The following MUC12 variants were observed in gnomAD, a reference collection of about 807,000 sequenced individuals.
The protein encoded by MUC12 is mucin-12.
A neutral mutation model predicts 230.8 loss-of-function variants in MUC12; 172 were observed. That is an observed-to-expected ratio of 0.75 (90% CI 0.66 to 0.85). MUC12 has a LOEUF of 0.85. Among genes scored for constraint, MUC12 ranks in the 40% least tolerant of loss-of-function variants. The probability of loss-of-function intolerance (pLI) is 0.00; values close to 1 mark genes in which losing one functional copy is unlikely to be tolerated. For synonymous variants in MUC12, 1,259 were observed against 2,401.9 expected (o/e 0.52, Z 13.91); for missense variants, 3,506 against 5,920.6 (o/e 0.59, Z 13.38).
chr7:100,981,866 C>CT (rs533760849), intron 1 of MUC12, among the ~76,000 whole-genome samples: 44,012 of 124,814 alleles, frequency 0.35, 9,580 homozygotes, highest in East Asian at 0.56. Flanking sequence ...GCTGCTGCTG[C>CT]TTTTTTTTTT....
Position 100,995,642 on chromosome 7 carries a change from A to C in MUC12, c.5079A>C (p.Pro1693=). Residue 1693 remains proline, a synonymous_variant, in exon 2 of 12, where the codon CCA becomes CCC. Transcript: ENST00000536621. ...AATCTACCACCTTCCAGAGCTGGCC[A>C]AGCTCAAAGGACACTATGCCTGCAC... ...QGESTTFQSW[P]SSKDTMPAPP... is the part of the protein sequence containing the mutation. The C allele has an allele frequency of 6.5e-7, 1 of 1,536,920 alleles. No homozygotes were observed. Among genetic ancestry groups the C allele is most frequent in the East Asian group, 2.4e-5 (1 of 40,904 alleles).
chr7:100,984,352 G>A (rs1160814379), intron 1 of MUC12, among the ~76,000 whole-genome samples: 1 of 151,544 alleles, frequency 6.6e-6, no homozygotes, highest in Non-Finnish European at 1.5e-5. Flanking sequence ...TGCCTCCTGG[G>A]TTCAGGCGAT....
intron 11 of MUC12, 53 bp from the exon 12 acceptor site, chr7:101,018,542 C>T: frequency 2.0e-6 from 3 of 1,524,222 alleles, no homozygotes; most frequent in Non-Finnish European, 2.6e-6. Flanking sequence ...TCCTGGGGCT[C>T]CCCCTTTCCC....
rs538526326 is a variant in MUC12 at position 100,986,084 on chromosome 7, G to A, written c.68-4547G>A. On this transcript the variant is annotated intron_variant, in intron 1 of 11. Coordinates refer to ENST00000536621, the MANE Select transcript of MUC12 (RefSeq NM_001164462.2). ...CCGACTTCAAAACAAACATGTGGCC[G>A]GTGTGTGCCTCAAGCCTGTAATCCC... is the stretch of plus-strand genomic sequence containing the variant. 3.3e-4 allele frequency among the ~76,000 whole-genome samples: 51 copies of A among 152,268 alleles called. No individual in the cohort carries two copies. In the South Asian group the frequency reaches 8.7e-3, roughly 26 times the overall value.
chr7:100,995,653 A>G lies in MUC12; in HGVS notation c.5090A>G (p.Asp1697Gly). The G allele has an allele frequency of 3.3e-6, 5 of 1,537,122 alleles. No homozygotes were observed. Among genetic ancestry groups the G allele is most frequent in the Non-Finnish European group, 2.6e-6 (3 of 1,147,058 alleles). ...TTFQSWPSSK[D>G]TMPAPPTTTS... is the part of the protein sequence containing the mutation. ...TTCCAGAGCTGGCCAAGCTCAAAGGACACTATGCCTGCACCTCCTACTACC... is the reference window on the plus strand; with the variant it reads ...TTCCAGAGCTGGCCAAGCTCAAAGGGCACTATGCCTGCACCTCCTACTACC... Residue 1697 changes from aspartate (D) to glycine (G), a missense_variant, in exon 2 of 12, where the codon GAC becomes GGC. Physicochemically the swap from Asp to Gly is moderately conservative, Grantham distance 94. Coordinates refer to ENST00000536621, the MANE Select transcript of MUC12 (RefSeq NM_001164462.2).
rs550760730 is a variant in MUC12, at chr7:101,010,717, G to A, written c.15251+1558G>A. Among the ~76,000 whole-genome samples the A allele has an allele frequency of 1.9e-4, 29 of 152,208 alleles. No individual in the cohort carries two copies. In the South Asian group the frequency reaches 2.3e-3, roughly 12 times the overall value. ...TTTAGTAGAGACAGGGTTTCACCAC[G>A]TTGGCCAGGCTGGTCTCGAACTCCT... On this transcript the variant is annotated intron_variant, in intron 5 of 11. Coordinates refer to ENST00000536621, the MANE Select transcript of MUC12 (RefSeq NM_001164462.2).
intron 1 of MUC12, among the ~76,000 whole-genome samples, chr7:100,973,947 G>A (rs1268421701): frequency 6.6e-6 from 1 of 151,994 alleles, no homozygotes; most frequent in African/African-American, 2.4e-5. Flanking sequence ...AAGCCCAGGA[G>A]TTCGAGACCA....
At position 101,017,635 on chromosome 7, in the gene MUC12, C is replaced by T; in HGVS notation, c.15938C>T (p.Thr5313Ile). 6.5e-7 allele frequency: 1 copy of T among 1,536,152 alleles called. No homozygotes were observed. Reference sequence around the variant, plus strand: ...AACGCCTACAACAACTTCCGGCCCACCCTGGAGACTGTTGACTCTGGCACA... The same window carrying T: ...AACGCCTACAACAACTTCCGGCCCATCCTGGAGACTGTTGACTCTGGCACA... Reference protein sequence around the residue: ...LENAYNNFRPTLETVDSGTEL... With the variant: ...LENAYNNFRPILETVDSGTEL... Residue 5313 changes from threonine to isoleucine, a missense_variant, in exon 11 of 12, where the codon ACC becomes ATC. By Grantham distance (89) the Thr-to-Ile change is moderately conservative (BLOSUM62 -1). Coordinates refer to ENST00000536621, the MANE Select transcript of MUC12 (RefSeq NM_001164462.2).
At chr7:100,970,197 G>A (rs1371210322) in intron 1 of MUC12, among the ~76,000 whole-genome samples, 1 of 152,300 alleles carries the variant, frequency 6.6e-6, no homozygotes, top group Admixed American at 6.5e-5. Context: ...CAGTTAAATG[G>A]CTGACGGGGC....
intron 1 of MUC12, among the ~76,000 whole-genome samples, chr7:100,973,392 G>A (rs1290366316): frequency 2.2e-5 from 2 of 90,526 alleles, no homozygotes; most frequent in African/African-American, 8.3e-5. Context: ...GAGTGGAGCT[G>A]TCCTGGGCTT....
chr7:100,986,726 G>A (rs1793197097), intron 1 of MUC12, among the ~76,000 whole-genome samples: 1 of 152,170 alleles, frequency 6.6e-6, no homozygotes, highest in African/African-American at 2.4e-5. Flanking sequence ...TCCTCTGCCA[G>A]GGGCCAAGGT....
Position 100,991,740 on chromosome 7 carries a change from A to G in MUC12, c.1177A>G (p.Thr393Ala). The stretch of plus-strand genomic sequence containing the variant: ...AGAATCAGCAACTTTCCACGGCAGC[A>G]CAACACACACAAAATCTTCAACTCC... ...SEESATFHGSTTHTKSSTPST... is the reference protein window; with the variant it reads ...SEESATFHGSATHTKSSTPST... The change falls in exon 2 of 12, where the codon ACA becomes GCA. Residue 393 changes from threonine to alanine, a missense_variant. Transcript: ENST00000536621. 6.5e-7 allele frequency: 1 copy of G among 1,537,878 alleles called. No homozygotes were observed. The highest frequency in any genetic ancestry group is 8.7e-7 in the Non-Finnish European group (1 of 1,147,078).
intron 11 of MUC12, among the ~76,000 whole-genome samples, chr7:101,017,893 T>TTC (rs1345170829): frequency 4.5e-5 from 1 of 22,098 alleles, no homozygotes; most frequent in Non-Finnish European, 8.1e-5. Context: ...ACCCCTTCCC[T>TTC]TCCCCCTGGG....
chr7:101,015,561 A>G (rs778665731), intron 9 of MUC12, 54 bp from the exon 10 acceptor site: 186 of 1,481,610 alleles, frequency 1.3e-4, no homozygotes, highest in Non-Finnish European at 1.6e-4. Context: ...AGGGTCCACC[A>G]AGTCCCTCCT....
Position 100,997,187 on chromosome 7 carries a change from CGGTGAAGAATCCACCACCTCCCG to C in MUC12, c.6625_6647del (p.Gly2209Ter). On this transcript the variant is annotated frameshift_variant, in exon 2 of 12. Coordinates refer to ENST00000536621, the MANE Select transcript of MUC12 (RefSeq NM_001164462.2). LOFTEE classifies it high-confidence loss of function. ...CTGCCAGTATGACAAGCCTAGGCGT[CGGTGAAGAATCCACCACCTCCCG>C]TAGCCAACCAGGTTCTACTCACTCA... 3.6e-6 allele frequency: 1 copy of C among 276,052 alleles called. No individual in the cohort carries two copies. The highest frequency in any genetic ancestry group is 4.9e-6 in the Non-Finnish European group (1 of 203,898). The allele number at this position is 276,052 out of a possible 1,614,324, so 17.1% of individuals were successfully genotyped here.
At chr7:100,987,135 C>T (rs1333073852) in intron 1 of MUC12, among the ~76,000 whole-genome samples, 9 of 141,388 alleles carry the variant, frequency 6.4e-5, no homozygotes, top group Non-Finnish European at 1.2e-4. Context: ...GGTGCAATCT[C>T]GGCTCACCGC....
At position 100,993,554 on chromosome 7, in the gene MUC12, C is replaced by T. The variant is rs758232922; in HGVS notation, c.2991C>T (p.His997=). ...LQGESTAFQT[H]PASTHTTPSP... is the part of the protein sequence containing the mutation. ...GAGAATCTACTGCCTTCCAGACCCA[C>T]CCAGCCTCAACTCACACAACGCCTT... Residue 997 remains histidine, a synonymous_variant, in exon 2 of 12, where the codon CAC becomes CAT. Coordinates refer to ENST00000536621, the MANE Select transcript of MUC12 (RefSeq NM_001164462.2). 8.0e-6 allele frequency: 8 copies of T among 1,003,780 alleles called. No homozygotes were observed. The highest frequency in any genetic ancestry group is 5.0e-5 in the African/African-American group (2 of 39,710). The allele number at this position is 1,003,780 out of a possible 1,614,324, so 62.2% of individuals were successfully genotyped here. A position where few individuals can be genotyped will look rare whatever the true frequency, so the allele number is the denominator to read the frequency against.
chr7:101,004,980 C>G lies in MUC12; in HGVS notation c.14417C>G (p.Thr4806Arg), dbSNP rs908255504. 3 of 1,537,730 alleles carry G rather than the reference C, an allele frequency of 2.0e-6. No homozygotes were observed. The highest frequency in any genetic ancestry group is 8.7e-7 in the Non-Finnish European group (1 of 1,147,038). The change falls in exon 2 of 12, where the codon ACA becomes AGA. Residue 4806 changes from threonine to arginine, a missense_variant. Coordinates refer to ENST00000536621, the MANE Select transcript of MUC12 (RefSeq NM_001164462.2). The stretch of plus-strand genomic sequence containing the variant: ...CACAGTAAGCCAGGCTCAACTGAGA[C>G]AACACTGTCCCCTGGCAGCATCACA... ...TFHSKPGSTETTLSPGSITTS... is the reference protein window; with the variant it reads ...TFHSKPGSTERTLSPGSITTS...
In MUC12 at chr7:101,018,580, T is replaced by C; in HGVS notation, c.15967-15T>C. On this transcript the variant is annotated splice_polypyrimidine_tract_variant and intron_variant, in intron 11 of 11. Transcript: ENST00000536621. ...GTCTGCCCCTTGGCCTCACCTCTTC[T>C]CTCCCGTCCCCCAGCTCCACATCCA... 1 of 1,534,706 alleles carries C rather than the reference T, an allele frequency of 6.5e-7. No individual in the cohort carries two copies. Among genetic ancestry groups the C allele is most frequent in the East Asian group, 2.5e-5 (1 of 40,620 alleles).
Sources: allele counts gnomAD v4.1 joint callset (sites outside exome capture counted in the v4.1 genomes callset), GRCh38; gene constraint gnomAD v4.1.1; transcripts MANE v1.5; gene names NCBI Gene and HGNC (gene_info 2026-07-23, HGNC 2026-07-21).